The following SLC44A2 variants were observed in gnomAD, a reference collection of about 807,000 sequenced individuals.
The protein encoded by SLC44A2 is solute carrier family 44 member 2 (CTL2 blood group).
In SLC44A2, 57 loss-of-function variants were observed where a neutral mutation model predicts 90.8. The observed-to-expected ratio is 0.63, with a 90% CI of 0.51 to 0.78. The LOEUF is 0.78. Ranked by LOEUF, SLC44A2 falls within the 30% of genes least tolerant of loss-of-function variation. The pLI is 0.00. For synonymous variants in SLC44A2, 355 were observed against 360.7 expected (o/e 0.98, Z 0.18); for missense variants, 794 against 919.7 (o/e 0.86, Z 1.77).
chr19:10,638,377 C>T (rs2067081941), intron 20 of SLC44A2, 62 bp downstream of exon 20: 11 of 1,435,450 alleles, frequency 7.7e-6, no homozygotes, highest in Non-Finnish European at 7.9e-6. Flanking sequence ...TTTGCTTGGT[C>T]TTCTTTGACT....
rs35362308 is a variant in SLC44A2, at chr19:10,635,053, A to G, written c.1035A>G (p.Ala345=). The G allele has an allele frequency of 2.6e-3, 4,211 of 1,614,084 alleles. 78 individuals carry two copies. The African/African-American group carries it at 0.046, about 17-fold the overall frequency. ...GGAAGAGAATTCTCATCGCGATTGC[A>G]CTCATCAAAGAAGCCAGCAGGTGGG... The part of the protein sequence containing the change: ...FLRKRILIAI[A]LIKEASRAVG... The change falls in exon 12 of 22, where the codon GCA becomes GCG. Residue 345 remains alanine, a synonymous_variant. Coordinates refer to ENST00000335757, the MANE Select transcript of SLC44A2 (RefSeq NM_020428.4).
intron 1 of SLC44A2, among the ~76,000 whole-genome samples, chr19:10,603,103 C>T (rs1249875005): frequency 6.6e-6 from 1 of 152,140 alleles, no homozygotes; most frequent in Non-Finnish European, 1.5e-5. Flanking sequence ...GGTGAGGGGG[C>T]AGGAAGGAAG....
Position 10,607,075 on chromosome 19 carries a change from C to T in SLC44A2, c.31+4514C>T, listed in dbSNP as rs553125180. 3.1e-3 allele frequency among the ~76,000 whole-genome samples: 468 copies of T among 151,618 alleles called. 1 individual carries two copies. Among genetic ancestry groups the T allele is most frequent in the Middle Eastern group, 6.8e-3 (2 of 294 alleles). On this transcript the variant is annotated intron_variant, in intron 1 of 21. Transcript: ENST00000407327. The stretch of plus-strand genomic sequence containing the variant: ...TACAGGCGCCCGCCACCACGCCTGG[C>T]TAATTTTTTTGTATTTTTTAGTAGA...
intron 1 of SLC44A2, among the ~76,000 whole-genome samples, chr19:10,607,970 C>T (rs1262962206): frequency 7.1e-6 from 1 of 140,394 alleles, no homozygotes; most frequent in African/African-American, 2.5e-5. Context: ...TGGTCTCGAT[C>T]TCCTGACCTC....
At chr19:10,634,332 C>T (rs546429987) in intron 10 of SLC44A2, among the ~76,000 whole-genome samples, 33 of 151,196 alleles carry the variant, frequency 2.2e-4, no homozygotes, top group African/African-American at 7.0e-4. Context: ...GGCATGGTGG[C>T]GCATGCCTGT....
chr19:10,630,085 C>T (rs945711040), intron 4 of SLC44A2, among the ~76,000 whole-genome samples: 5 of 151,944 alleles, frequency 3.3e-5, no homozygotes, highest in African/African-American at 9.7e-5. Flanking sequence ...AACAATAGGC[C>T]GGGCACGGTG....
At chr19:10,633,697 T>TCCTCCCG (rs1009118596) in intron 10 of SLC44A2, among the ~76,000 whole-genome samples, 17 of 152,176 alleles carry the variant, frequency 1.1e-4, no homozygotes, top group Middle Eastern at 3.4e-3. Flanking sequence ...GCTTGAGCAG[T>TCCTCCCG]CCTCCCGCCT....
chr19:10,607,754 T>TC (rs1194129970), intron 1 of SLC44A2, among the ~76,000 whole-genome samples: 1 of 148,532 alleles, frequency 6.7e-6, no homozygotes, highest in Admixed American at 6.7e-5. Context: ...ATTATTATTT[T>TC]TTTTTTTTTG....
Position 10,618,669 on chromosome 19 carries a change from C to T in SLC44A2, c.32-7584C>T, listed in dbSNP as rs190172521. Among the ~76,000 whole-genome samples, 169 of 149,470 alleles carry T rather than the reference C, an allele frequency of 1.1e-3. 2 individuals carry two copies. The highest frequency in any genetic ancestry group is 3.6e-3 in the African/African-American group (148 of 40,602). On this transcript the variant is annotated intron_variant, in intron 1 of 21. Transcript: ENST00000407327. Reference sequence around the variant, plus strand: ...TAATTTTTTGTATTTTTAGTAGAGACGGGGTTTCACCGTGTTAGCCAGAAT... The same window carrying T: ...TAATTTTTTGTATTTTTAGTAGAGATGGGGTTTCACCGTGTTAGCCAGAAT...
At chr19:10,638,518 A>G (rs1952930123) in intron 20 of SLC44A2, among the ~76,000 whole-genome samples, 1 of 152,144 alleles carries the variant, frequency 6.6e-6, no homozygotes, top group South Asian at 2.1e-4. Context: ...ATCTTGACTC[A>G]CTGCAACCTC....
rs749564119 is a variant in SLC44A2 at position 10,643,240 on chromosome 19, C to T, written c.2015-39C>T. 14 of 1,586,602 alleles carry T rather than the reference C, an allele frequency of 8.8e-6. No individual in the cohort carries two copies. In the Admixed American group the frequency reaches 1.8e-4, roughly 20 times the overall value. ...TGTCCTTGAGGCCCCTGCCCGTGGGCTCCCCTCATGCCTCCTGCTCTGGGA... is the reference window on the plus strand; with the variant it reads ...TGTCCTTGAGGCCCCTGCCCGTGGGTTCCCCTCATGCCTCCTGCTCTGGGA... On this transcript the variant is annotated intron_variant, in intron 21 of 21. Transcript: ENST00000335757.
intron 1 of SLC44A2, chr19:10,602,648 A>AC (rs1375277465): frequency 3.4e-6 from 4 of 1,174,994 alleles, no homozygotes; most frequent in Non-Finnish European, 4.3e-6. Flanking sequence ...GACCCTAGGC[A>AC]CCGGCGCTGC....
At chr19:10,642,174 AC>A (rs1447808746) in intron 20 of SLC44A2, among the ~76,000 whole-genome samples, 192 bp from the exon 21 acceptor site, 1 of 148,510 alleles carries the variant, frequency 6.7e-6, no homozygotes, top group Non-Finnish European at 1.5e-5. Context: ...AAAAAAAAAG[AC>A]GGAGAGAGAG....
upstream of SLC44A2, chr19:10,625,478 C>A (rs984896434): frequency 4.0e-4 from 486 of 1,218,884 alleles, no homozygotes; most frequent in Non-Finnish European, 4.8e-4. Context: ...AGCTGCCCAG[C>A]TCGGGCCGGT....
In SLC44A2 at chr19:10,638,247, T is replaced by C; in HGVS notation, c.1861T>C (p.Phe621Leu). 1.2e-6 allele frequency: 2 copies of C among 1,614,096 alleles called. No individual in the cohort carries two copies. Among genetic ancestry groups the C allele is most frequent in the Non-Finnish European group, 1.7e-6 (2 of 1,180,026 alleles). Residue 621 changes from phenylalanine (F) to leucine (L), a missense_variant, in exon 20 of 22, where the codon TTC (phenylalanine) becomes CTC (leucine). Coordinates refer to ENST00000335757, the MANE Select transcript of SLC44A2 (RefSeq NM_020428.4). Reference sequence around the variant, plus strand: ...TCCAGGGATCCTGGCTTTCTTCTTCTTCACCCACCGTATCAGGATCGTGCA... The same window carrying C: ...TCCAGGGATCCTGGCTTTCTTCTTCCTCACCCACCGTATCAGGATCGTGCA... ...GSVGILAFFF[F>L]THRIRIVQDT...
At position 10,637,007 on chromosome 19, in the gene SLC44A2, TA is replaced by T. The variant is rs1282278496; in HGVS notation, c.1591+252del. ...CCAAGAGGCCTGGCCCACCATTGGT[TA>T]TTACCAGAGTGAATTGGAGTGGTAT... On this transcript the variant is annotated intron_variant, in intron 16 of 21. Transcript: ENST00000335757. 1.4e-4 allele frequency: 70 copies of T among 511,992 alleles called. No individual in the cohort carries two copies. The East Asian group carries it at 1.8e-3, about 14-fold the overall frequency. 31.7% of individuals were successfully genotyped at this position (511,992 alleles called of 1,614,324 possible).
chr19:10,621,195 T>C (rs2066892223), upstream of SLC44A2, among the ~76,000 whole-genome samples: 1 of 151,526 alleles, frequency 6.6e-6, no homozygotes, highest in African/African-American at 2.4e-5. Flanking sequence ...CTACTAAAAA[T>C]ACAAAAATCA....
Position 10,638,039 on chromosome 19 carries a change from A to T in SLC44A2, c.1786A>T (p.Lys596Ter). ...CCCCTGCAGAGTGGCTGTCCTGGAT[A>T]AAGTTACTGACTTCCTCTTCCTGTT... is the stretch of plus-strand genomic sequence containing the variant. The part of the protein sequence containing the change: ...RNIIRVAVLD[K>*]VTDFLFLLGK... The change falls in exon 19 of 22, where the codon AAA becomes TAA. Residue 596 changes from lysine to a stop codon, truncating the protein, a stop_gained. Transcript: ENST00000335757. LOFTEE classifies it high-confidence loss of function. 6.2e-7 allele frequency: 1 copy of T among 1,613,876 alleles called. No individual in the cohort carries two copies. Among genetic ancestry groups the T allele is most frequent in the South Asian group, 1.1e-5 (1 of 91,066 alleles).
At chr19:10,605,651 C>T (rs1351285861) in intron 1 of SLC44A2, among the ~76,000 whole-genome samples, 1 of 151,820 alleles carries the variant, frequency 6.6e-6, no homozygotes, top group Non-Finnish European at 1.5e-5. Context: ...GGCGCCACTG[C>T]ACTCCAGCTT....
Sources: allele counts gnomAD v4.1 joint callset (sites outside exome capture counted in the v4.1 genomes callset), GRCh38; gene constraint gnomAD v4.1.1; transcripts MANE v1.5; gene names NCBI Gene and HGNC (gene_info 2026-07-23, HGNC 2026-07-21).